The following CDH13 variants were observed in gnomAD, a reference collection of about 807,000 sequenced individuals.
CDH13 encodes cadherin-13.
Under a neutral mutation model 63.8 loss-of-function variants are expected in CDH13, and 24 were observed. The ratio of observed to expected loss-of-function variants is 0.38; its 90% CI spans 0.27 to 0.53. CDH13 has a LOEUF of 0.53. Among genes scored for constraint, CDH13 ranks in the 20% least tolerant of loss-of-function variants. The probability of loss-of-function intolerance (pLI) is 0.85; values close to 1 mark genes in which losing one functional copy is unlikely to be tolerated. For missense variants in CDH13, 1,049 were observed against 903.1 expected, an observed-to-expected ratio of 1.16 and a Z score of -2.07; for synonymous variants, 503 against 355.3, an observed-to-expected ratio of 1.42 and a Z score of -4.67.
At chr16:83,284,675 G>T (rs1000423158) in intron 5 of CDH13, among the ~76,000 whole-genome samples, 3 of 151,866 alleles carry the variant, frequency 2.0e-5, no homozygotes, top group Non-Finnish European at 4.4e-5. Context: ...ACATAACATA[G>T]CGTAATATAA....
chr16:83,401,090 C>T (rs1271924960), intron 6 of CDH13, among the ~76,000 whole-genome samples: 2 of 152,112 alleles, frequency 1.3e-5, no homozygotes, highest in Non-Finnish European at 2.9e-5. Flanking sequence ...CCTATAATCC[C>T]AGCACTTTGG....
chr16:83,656,525 G>A (rs1181162294), intron 8 of CDH13, among the ~76,000 whole-genome samples: 1 of 152,146 alleles, frequency 6.6e-6, no homozygotes, highest in African/African-American at 2.4e-5. Context: ...TTCTCATCCA[G>A]GTGCTGACTG....
At chr16:82,965,778 C>T (rs1379793143) in intron 2 of CDH13, among the ~76,000 whole-genome samples, 1 of 152,230 alleles carries the variant, frequency 6.6e-6, no homozygotes, top group Non-Finnish European at 1.5e-5. Flanking sequence ...CAGGCATGAG[C>T]CACTGCTCCC....
At chr16:83,174,302 C>G (rs2038037169) in intron 4 of CDH13, among the ~76,000 whole-genome samples, 1 of 152,116 alleles carries the variant, frequency 6.6e-6, no homozygotes, top group Admixed American at 6.6e-5. Context: ...TATAATAACA[C>G]CACTCAATGA....
intron 13 of CDH13, among the ~76,000 whole-genome samples, chr16:83,790,570 T>A (rs1021071907): frequency 5.9e-5 from 9 of 152,002 alleles, no homozygotes; most frequent in Non-Finnish European, 1.2e-4. Flanking sequence ...TGGCTAATGT[T>A]GTTTTTGTAT....
At chr16:83,702,152 G>A (rs995036000) in intron 10 of CDH13, among the ~76,000 whole-genome samples, 1 of 152,162 alleles carries the variant, frequency 6.6e-6, no homozygotes, top group African/African-American at 2.4e-5. Flanking sequence ...TCCTTGGGGT[G>A]TAATACAAAA....
At chr16:83,590,570 TAGAG>T (rs910370007) in intron 7 of CDH13, among the ~76,000 whole-genome samples, 11 of 152,090 alleles carry the variant, frequency 7.2e-5, no homozygotes, top group African/African-American at 2.2e-4. Context: ...TTTGGTGTCT[TAGAG>T]AGAGTCTGTT....
rs543440643 is a variant in CDH13, at chr16:83,356,808, GA to G, written c.781+11809del. 4.1e-3 allele frequency among the ~76,000 whole-genome samples: 617 copies of G among 152,098 alleles called. 4 individuals are homozygous for G. The highest frequency in any genetic ancestry group is 5.9e-3 in the Non-Finnish European group (401 of 67,962). On this transcript the variant is annotated intron_variant, in intron 6 of 13. Transcript: ENST00000567109. The stretch of plus-strand genomic sequence containing the variant: ...ATGAATTGAGTTTTTCAGTATCAAA[GA>G]AAAAAAGTTTAATAGACTTACAGCT...
At chr16:83,066,868 G>T (rs562135718) in intron 3 of CDH13, among the ~76,000 whole-genome samples, 4 of 152,188 alleles carry the variant, frequency 2.6e-5, no homozygotes, top group African/African-American at 9.6e-5. Flanking sequence ...TGAGCATGAA[G>T]TGTTGGTTAG....
intron 2 of CDH13, chr16:82,990,053 C>T (rs1002858833): frequency 6.6e-6 from 1 of 152,088 alleles, no homozygotes; most frequent in East Asian, 1.9e-4. Context: ...CTGCAGTGAA[C>T]TATCCATATA....
intron 4 of CDH13, among the ~76,000 whole-genome samples, chr16:83,128,120 G>C (rs2035891568): frequency 1.3e-5 from 2 of 152,200 alleles, no homozygotes; most frequent in African/African-American, 2.4e-5. Context: ...CCATGCATCA[G>C]AATCAGCAGA....
chr16:82,980,238 G>A (rs1910084307), intron 2 of CDH13, among the ~76,000 whole-genome samples: 2 of 152,164 alleles, frequency 1.3e-5, no homozygotes, highest in Admixed American at 6.5e-5. Flanking sequence ...ACCCAGCAGG[G>A]AAGAAGCAAG....
chr16:83,737,867 T>A (rs1911684969), intron 10 of CDH13, among the ~76,000 whole-genome samples: 1 of 152,230 alleles, frequency 6.6e-6, no homozygotes, highest in African/African-American at 2.4e-5. Context: ...CTTCTGCTGC[T>A]GGAAAGCTGC....
At chr16:82,629,123 C>T (rs58141796) in intron 1 of CDH13, among the ~76,000 whole-genome samples, 1,978 of 152,324 alleles carry the variant, frequency 0.013, 29 homozygotes, top group African/African-American at 0.045. Flanking sequence ...GCAAGACAGA[C>T]CACGTGACAG....
At chr16:83,413,974 A>G (rs1248439763) in intron 6 of CDH13, among the ~76,000 whole-genome samples, 2 of 151,424 alleles carry the variant, frequency 1.3e-5, no homozygotes, top group African/African-American at 4.9e-5. Flanking sequence ...AGCCTGGGCA[A>G]TAGAGCGAGA....
intron 13 of CDH13, 60 bp from the exon 14 acceptor site, chr16:83,794,963 T>A (rs923018177): frequency 6.6e-6 from 10 of 1,522,740 alleles, no homozygotes; most frequent in Non-Finnish European, 9.0e-6. Context: ...GGCTTTTAGC[T>A]AAAATGTTTT....
chr16:82,859,564 GA>G lies in CDH13; in HGVS notation c.157+1103del, dbSNP rs1199787545. The G allele has an allele frequency of 5.8e-3, 748 of 127,974 alleles. 6 individuals are homozygous for G. The highest frequency in any genetic ancestry group is 0.018 in the African/African-American group (626 of 34,906). 7.9% of individuals were successfully genotyped at this position (127,974 alleles called of 1,614,324 possible). A position where few individuals can be genotyped will look rare whatever the true frequency, so the allele number is the denominator to read the frequency against. ...CAGAGCGAGACTGTGTCTCAAAAAAGAAAAAAAAAAAAGAAGAAGAAGAAAA... is the reference window on the plus strand; with the variant it reads ...CAGAGCGAGACTGTGTCTCAAAAAAGAAAAAAAAAAAGAAGAAGAAGAAAA... On this transcript the variant is annotated intron_variant, in intron 2 of 13. Transcript: ENST00000567109.
chr16:82,971,049 G>A (rs1423772528), intron 2 of CDH13, among the ~76,000 whole-genome samples: 1 of 152,076 alleles, frequency 6.6e-6, no homozygotes, highest in East Asian at 1.9e-4. Flanking sequence ...ACCATTCTGG[G>A]GCATACTGGC....
intron 1 of CDH13, among the ~76,000 whole-genome samples, chr16:82,851,463 G>A (rs1444840469): frequency 3.5e-5 from 5 of 144,664 alleles, no homozygotes; most frequent in South Asian, 2.3e-4. Context: ...AAAAGAAAAA[G>A]AAAAAAGAAA....
Sources: allele counts gnomAD v4.1 joint callset (sites outside exome capture counted in the v4.1 genomes callset), GRCh38; gene constraint gnomAD v4.1.1; transcripts MANE v1.5; gene names NCBI Gene and HGNC (gene_info 2026-07-23, HGNC 2026-07-21).